CC2D2B: variants seen among roughly 807,000 people sequenced by gnomAD.
CC2D2B encodes coiled-coil and C2 domain containing 2B.
CC2D2B carries 128 observed loss-of-function variants against 161.2 expected under a neutral mutation model. That is an observed-to-expected ratio of 0.79 (90% CI 0.69 to 0.92). The LOEUF (loss-of-function observed/expected upper bound fraction) is 0.92, where lower values mean the gene tolerates loss of function less well. CC2D2B is among the 40% of genes least tolerant of loss of function. The pLI is 0.00. For synonymous variants in CC2D2B, 391 were observed against 449.8 expected (o/e 0.87, Z 1.65); for missense variants, 1,173 against 1,375.1 (o/e 0.85, Z 2.32).
chr10:95,938,433 A>G (rs1044240537), intron 7 of CC2D2B, 136 bp from the exon 8 acceptor site: 35 of 601,212 alleles, frequency 5.8e-5, no homozygotes, highest in Non-Finnish European at 9.8e-5. Flanking sequence ...CGAGAAAGTA[A>G]GAGACAGTGA....
At chr10:96,001,015 G>T (rs1250802092) in intron 24 of CC2D2B, among the ~76,000 whole-genome samples, 2 of 152,226 alleles carry the variant, frequency 1.3e-5, no homozygotes, top group African/African-American at 2.4e-5. Flanking sequence ...TAATAAATCA[G>T]ATTTTTAAAT....
intron 5 of CC2D2B, 131 bp downstream of exon 5, chr10:95,924,975 A>T (rs906861800): frequency 5.2e-5 from 29 of 556,884 alleles, no homozygotes; most frequent in Non-Finnish European, 9.2e-5. Flanking sequence ...TTGTTCAATC[A>T]ATACCACAGT....
intron 33 of CC2D2B, among the ~76,000 whole-genome samples, chr10:96,025,192 A>AATATATAT (rs10524712): frequency 7.7e-4 from 38 of 49,158 alleles, no homozygotes; most frequent in East Asian, 3.2e-3. Flanking sequence ...TATAAAAAAA[A>AATATATAT]ATATATATAT....
chr10:95,983,563 T>G, intron 18 of CC2D2B, 43 bp from the exon 19 acceptor site: 1 of 991,968 alleles, frequency 1.0e-6, no homozygotes, highest in Middle Eastern at 3.6e-4. Flanking sequence ...ATTCCTGAAT[T>G]AAAAAAAATT....
At chr10:95,934,793 T>C (rs747786316) in intron 6 of CC2D2B, among the ~76,000 whole-genome samples, 1 of 152,226 alleles carries the variant, frequency 6.6e-6, no homozygotes, top group African/African-American at 2.4e-5. Context: ...CCTTCTGCGT[T>C]AGTCTTGCTG....
intron 9 of CC2D2B, among the ~76,000 whole-genome samples, chr10:95,946,833 G>A (rs1171151659): frequency 6.6e-6 from 1 of 151,812 alleles, no homozygotes; most frequent in Non-Finnish European, 1.5e-5. Context: ...ACAACATTAG[G>A]TGTAATAGCA....
chr10:95,953,621 T>C (rs1267519186), intron 10 of CC2D2B, among the ~76,000 whole-genome samples: 3 of 152,210 alleles, frequency 2.0e-5, no homozygotes, highest in Non-Finnish European at 4.4e-5. Context: ...TCAATTAGCA[T>C]ATTTTTGGTT....
chr10:95,962,029 G>C lies in CC2D2B; in HGVS notation c.1250+60G>C, dbSNP rs1393414118. ...CTGAGGAACTTCTCATGAATAACTG[G>C]AAATTCACAGTGACTAGGAAGACAT... On this transcript the variant is annotated intron_variant, in intron 12 of 34. Transcript: ENST00000646931. 4.3e-6 allele frequency: 5 copies of C among 1,167,304 alleles called. No individual in the cohort carries two copies. The African/African-American group carries it at 7.9e-5, about 19-fold the overall frequency. The allele number at this position is 1,167,304 out of a possible 1,614,324, so 72.3% of individuals were successfully genotyped here. A position where few individuals can be genotyped will look rare whatever the true frequency, so the allele number is the denominator to read the frequency against.
intron 16 of CC2D2B, 70 bp from the exon 17 acceptor site, chr10:95,973,939 G>GAAA: frequency 2.2e-6 from 2 of 907,356 alleles, no homozygotes; most frequent in South Asian, 1.2e-4. Context: ...TAAAACTCAG[G>GAAA]AAAAAACCCA....
Position 95,937,442 on chromosome 10 carries a change from T to C in CC2D2B, c.337-549T>C, listed in dbSNP as rs190025101. On this transcript the variant is annotated intron_variant, in intron 6 of 34. Transcript: ENST00000646931. ...TGTTTCCACATCTATGTTCAAATTG[T>C]TTATAACCTTTATATATATCATATA... 1.4e-3 allele frequency among the ~76,000 whole-genome samples: 214 copies of C among 152,284 alleles called. 2 individuals are homozygous for C. Among genetic ancestry groups the C allele is most frequent in the African/African-American group, 4.9e-3 (204 of 41,560 alleles).
intron 32 of CC2D2B, among the ~76,000 whole-genome samples, chr10:96,022,066 CCAG>C (rs2079487829): frequency 6.6e-6 from 1 of 152,098 alleles, no homozygotes; most frequent in African/African-American, 2.4e-5. Context: ...GCCTGTAATC[CCAG>C]CACTTTGGGA....
chr10:95,990,728 A>G (rs1470829549), intron 20 of CC2D2B, among the ~76,000 whole-genome samples: 1 of 152,182 alleles, frequency 6.6e-6, no homozygotes, highest in African/African-American at 2.4e-5. Context: ...GCCTCCAGAC[A>G]TGCTTCTGCC....
In CC2D2B at chr10:95,947,097, ATATATATATATATATATTTTTTTTTTTTT is replaced by A. The variant is rs552361914; in HGVS notation, c.802-2797_802-2769del. On this transcript the variant is annotated intron_variant, in intron 9 of 34. Coordinates refer to ENST00000646931, the MANE Select transcript of CC2D2B (RefSeq NM_001349008.3). Reference sequence around the variant, plus strand: ...TGGACTCAAAAATATATATATATATATATATATATATATATATTTTTTTTTTTTTTTTTGAGACAAAGTATTGCTCTGTC... The same window carrying A: ...TGGACTCAAAAATATATATATATATATTTTGAGACAAAGTATTGCTCTGTC... Among the ~76,000 whole-genome samples, 89 of 33,432 alleles carry A rather than the reference ATATATATATATATATATTTTTTTTTTTTT, an allele frequency of 2.7e-3. 7 individuals are homozygous for A. The highest frequency in any genetic ancestry group is 7.1e-3 in the Admixed American group (19 of 2,680). The allele number at this position is 33,432 out of a possible 152,430, so 21.9% of individuals were successfully genotyped here.
At chr10:96,029,262 A>ATATG (rs1554854733) in intron 34 of CC2D2B, among the ~76,000 whole-genome samples, 2 of 61,610 alleles carry the variant, frequency 3.2e-5, no homozygotes, top group African/African-American at 1.7e-4. Context: ...ATATATATAT[A>ATATG]TATATATATA....
At chr10:95,913,984 T>A (rs1301654617) in intron 2 of CC2D2B, among the ~76,000 whole-genome samples, 1 of 152,186 alleles carries the variant, frequency 6.6e-6, no homozygotes, top group Non-Finnish European at 1.5e-5. Context: ...CATTTGTCCA[T>A]TTTTTGCTTT....
intron 9 of CC2D2B, among the ~76,000 whole-genome samples, chr10:95,939,361 A>T (rs966749416): frequency 2.0e-5 from 3 of 152,120 alleles, no homozygotes; most frequent in African/African-American, 7.2e-5. Flanking sequence ...CATAGTATGA[A>T]AAATACCTTT....
chr10:95,924,735 A>C, intron 4 of CC2D2B, 44 bp from the exon 5 acceptor site: 4 of 1,279,212 alleles, frequency 3.1e-6, no homozygotes, highest in Non-Finnish European at 4.4e-6. Flanking sequence ...TTATGAGCAC[A>C]ATTATGTCTA....
intron 2 of CC2D2B, among the ~76,000 whole-genome samples, chr10:95,917,459 A>G (rs74813641): frequency 0.015 from 2,222 of 149,228 alleles, 48 homozygotes; most frequent in African/African-American, 0.052. Flanking sequence ...CCTTCCTTCC[A>G]TCCGTCCGTC....
chr10:95,991,160 A>G (rs2077941160), intron 20 of CC2D2B, among the ~76,000 whole-genome samples: 1 of 152,210 alleles, frequency 6.6e-6, no homozygotes, highest in Admixed American at 6.5e-5. Flanking sequence ...AAAAAGTGGA[A>G]ATAAACTAGC....
Sources: gnomAD v4.1 joint callset for allele counts (sites outside exome capture counted in the v4.1 genomes callset) on GRCh38, gnomAD v4.1.1 for gene constraint, MANE v1.5 for transcripts, NCBI Gene and HGNC (gene_info 2026-07-23, HGNC 2026-07-21) for gene names.